The following NUMB variants were observed in gnomAD, a reference collection of about 807,000 sequenced individuals.
NUMB encodes NUMB endocytic adaptor protein, also known as protein numb homolog.
A neutral mutation model predicts 59.7 loss-of-function variants in NUMB; 29 were observed. That is an observed-to-expected ratio of 0.49 (90% CI 0.36 to 0.66). NUMB has a LOEUF of 0.66. Ranked by LOEUF, NUMB falls within the 30% of genes least tolerant of loss-of-function variation. NUMB has a pLI of 0.00. For missense variants in NUMB, 723 were observed against 822.0 expected (o/e 0.88, Z 1.47); for synonymous variants, 288 against 288.2 (o/e 1.00, Z 0.01).
intron 4 of NUMB, among the ~76,000 whole-genome samples, chr14:73,353,873 GAA>G (rs940710377): frequency 6.7e-6 from 1 of 149,818 alleles, no homozygotes; most frequent in African/African-American, 2.5e-5. Flanking sequence ...GGAGATAACA[GAA>G]AAAAAAAGTG....
chr14:73,319,016 G>A (rs1265531245), intron 5 of NUMB, among the ~76,000 whole-genome samples: 4 of 152,190 alleles, frequency 2.6e-5, no homozygotes, highest in Non-Finnish European at 5.9e-5. Flanking sequence ...GCTCATGCCT[G>A]TAATCCCAGC....
intron 2 of NUMB, among the ~76,000 whole-genome samples, chr14:73,380,381 T>C (rs1895170628): frequency 6.6e-6 from 1 of 152,196 alleles, no homozygotes; most frequent in Non-Finnish European, 1.5e-5. Flanking sequence ...GAGGAGCAGG[T>C]TGAAGGGAAC....
At chr14:73,307,069 G>A (rs1890477425) in intron 6 of NUMB, among the ~76,000 whole-genome samples, 1 of 152,152 alleles carries the variant, frequency 6.6e-6, no homozygotes, top group African/African-American at 2.4e-5. Flanking sequence ...CAGCACTTTG[G>A]GAGGCCAAGG....
chr14:73,304,047 T>C (rs1890289164), intron 6 of NUMB, among the ~76,000 whole-genome samples: 1 of 152,126 alleles, frequency 6.6e-6, no homozygotes, highest in Non-Finnish European at 1.5e-5. Context: ...AATAGCAACA[T>C]ACAGTGGATC....
At position 73,277,088 on chromosome 14, in the gene NUMB, G is replaced by C. The variant is rs776021221; in HGVS notation, c.1446C>G (p.Phe482Leu). ...GAGAGGTGAGGAATGCATTCCCTTG[G>C]AAAGGTGATGCTGGCTGGGAGATGG... is the stretch of plus-strand genomic sequence containing the variant. ...PTAISQPASP[F>L]QGNAFLTSQP... The change falls in exon 13 of 13, where the codon TTC becomes TTG. Residue 482 changes from phenylalanine to leucine, a missense_variant. By Grantham distance (22) the Phe-to-Leu change is conservative. Transcript: ENST00000555238. The C allele has an allele frequency of 1.2e-6, 2 of 1,614,168 alleles. No individual in the cohort carries two copies. Among genetic ancestry groups the C allele is most frequent in the Admixed American group, 1.7e-5 (1 of 60,026 alleles).
intron 6 of NUMB, among the ~76,000 whole-genome samples, chr14:73,301,572 G>C (rs1389745517): frequency 6.6e-6 from 1 of 151,974 alleles, no homozygotes; most frequent in African/African-American, 2.4e-5. Context: ...CCAGTAGCTG[G>C]GACTACAGGC....
chr14:73,382,033 C>T (rs1343328989), intron 2 of NUMB, among the ~76,000 whole-genome samples: 1 of 152,170 alleles, frequency 6.6e-6, no homozygotes, highest in Admixed American at 6.5e-5. Flanking sequence ...ATTTGTGGCG[C>T]TAAAATCCCA....
At chr14:73,434,994 C>A (rs1897990736) in intron 1 of NUMB, among the ~76,000 whole-genome samples, 1 of 152,102 alleles carries the variant, frequency 6.6e-6, no homozygotes, top group South Asian at 2.1e-4. Flanking sequence ...AACACACAAT[C>A]TTTTACTAAG....
chr14:73,350,384 G>A (rs1414203550), intron 4 of NUMB, among the ~76,000 whole-genome samples: 4 of 151,462 alleles, frequency 2.6e-5, no homozygotes, highest in African/African-American at 9.7e-5. Context: ...TGTTGCCCAG[G>A]CTGGTCTCGA....
At chr14:73,404,686 T>C (rs2140122855) in intron 2 of NUMB, among the ~76,000 whole-genome samples, 1 of 152,322 alleles carries the variant, frequency 6.6e-6, no homozygotes, top group Middle Eastern at 3.4e-3. Context: ...GGTATTGTAC[T>C]ACAGCTATGT....
intron 8 of NUMB, among the ~76,000 whole-genome samples, chr14:73,289,950 G>A (rs1273222710): frequency 6.6e-6 from 1 of 152,126 alleles, no homozygotes; most frequent in African/African-American, 2.4e-5. Flanking sequence ...GCATCATCTG[G>A]GAACATTTAA....
At chr14:73,313,492 TATACA>T (rs1221811816) in intron 6 of NUMB, among the ~76,000 whole-genome samples, 3 of 150,528 alleles carry the variant, frequency 2.0e-5, no homozygotes, top group African/African-American at 7.3e-5. Flanking sequence ...ATTATTTAAT[TATACA>T]ATAATTATAA....
chr14:73,289,210 A>G (rs1303439426), intron 8 of NUMB, among the ~76,000 whole-genome samples: 1 of 152,102 alleles, frequency 6.6e-6, no homozygotes, highest in Non-Finnish European at 1.5e-5. Flanking sequence ...AACACAGGCA[A>G]AAGTGAAAGC....
intron 2 of NUMB, among the ~76,000 whole-genome samples, chr14:73,395,327 T>A (rs1380592967): frequency 6.6e-6 from 1 of 152,016 alleles, no homozygotes; most frequent in African/African-American, 2.4e-5. Context: ...CTAATACATT[T>A]TAAAGGGGTG....
At chr14:73,314,831 G>A (rs752674482) in intron 6 of NUMB, among the ~76,000 whole-genome samples, 3 of 151,738 alleles carry the variant, frequency 2.0e-5, no homozygotes, top group Admixed American at 6.6e-5. Context: ...AATTGCTTTC[G>A]GAAACTCTGT....
At chr14:73,294,950 T>TAAAAAAAAAAA (rs61179657) in intron 7 of NUMB, among the ~76,000 whole-genome samples, 2 of 24,386 alleles carry the variant, frequency 8.2e-5, no homozygotes, top group East Asian at 3.0e-3. Context: ...AACCCATCTC[T>TAAAAAAAAAAA]AAAAAAAAAA....
rs776855710 is a variant in NUMB at position 73,323,200 on chromosome 14, A to AG, written c.130dup (p.Leu44ProfsTer7). On this transcript the variant is annotated frameshift_variant, in exon 5 of 13. Transcript: ENST00000555238. LOFTEE classifies it high-confidence loss of function. Reference sequence around the variant, plus strand: ...TGATTCATCAACTTCTACATGGCCAAGGTACTGTAGAAAGAAGGAAAAGTT... The same window carrying AG: ...TGATTCATCAACTTCTACATGGCCAAGGGTACTGTAGAAAGAAGGAAAAGTT... The AG allele has an allele frequency of 6.2e-7, 1 of 1,609,672 alleles. No homozygotes were observed. The highest frequency in any genetic ancestry group is 1.7e-5 in the Admixed American group (1 of 59,922).
chr14:73,287,037 C>T (rs1566726787), intron 9 of NUMB, 73 bp downstream of exon 9: 2 of 1,410,974 alleles, frequency 1.4e-6, no homozygotes, highest in East Asian at 4.6e-5. Context: ...AAATTTACCC[C>T]TGGTAGCTTC....
At chr14:73,395,037 T>TTGTGTG (rs3028731) in intron 2 of NUMB, among the ~76,000 whole-genome samples, 7,494 of 119,568 alleles carry the variant, frequency 0.063, 382 homozygotes, top group Non-Finnish European at 0.084. Context: ...ATTCGTGTGT[T>TTGTGTG]TGTGTGTGTG....
Sources: allele counts gnomAD v4.1 joint callset (sites outside exome capture counted in the v4.1 genomes callset), GRCh38; gene constraint gnomAD v4.1.1; transcripts MANE v1.5; gene names NCBI Gene and HGNC (gene_info 2026-07-23, HGNC 2026-07-21).